Variants in BNC2 observed in about 807,000 individuals in gnomAD.
BNC2 encodes the protein basonuclin zinc finger protein 2.
A neutral mutation model predicts 76.3 loss-of-function variants in BNC2; 20 were observed. That is an observed-to-expected ratio of 0.26 (90% CI 0.18 to 0.38). The LOEUF is 0.38. BNC2 is among the 10% of genes least tolerant of loss of function. The pLI is 1.00. For synonymous variants in BNC2, 582 were observed against 514.8 expected (o/e 1.13, Z -1.77); for missense variants, 1,382 against 1,399.8 (o/e 0.99, Z 0.20).
At position 16,416,359 on chromosome 9, in the gene BNC2, T is replaced by A. The variant is rs1249754092; in HGVS notation, c.*2630A>T. On this transcript the variant is annotated 3_prime_UTR_variant, in exon 7 of 7. Transcript: ENST00000380672. ...ACCCTTTTTGAATCTAACCATTTGG[T>A]AATGGGGCAACAGCACAACACAGAG... 1 of 152,658 alleles carries A rather than the reference T, an allele frequency of 6.6e-6. No homozygotes were observed. The highest frequency in any genetic ancestry group is 1.5e-5 in the Non-Finnish European group (1 of 68,044). The allele number at this position is 152,658 out of a possible 1,614,324, so 9.5% of individuals were successfully genotyped here.
intron 3 of BNC2, among the ~76,000 whole-genome samples, chr9:16,714,630 A>C (rs1301934577): frequency 6.6e-6 from 1 of 152,226 alleles, no homozygotes; most frequent in Non-Finnish European, 1.5e-5. Flanking sequence ...TGTTTAAAAC[A>C]CAAATGGCTC....
chr9:16,726,466 G>C (rs1824321064), intron 3 of BNC2, among the ~76,000 whole-genome samples: 1 of 148,018 alleles, frequency 6.8e-6, no homozygotes, highest in African/African-American at 2.5e-5. Flanking sequence ...GTAGTTTATA[G>C]CCTGGCAAAT....
intron 6 of BNC2, among the ~76,000 whole-genome samples, chr9:16,434,593 A>T (rs1387479653): frequency 2.0e-5 from 3 of 152,192 alleles, no homozygotes; most frequent in African/African-American, 7.2e-5. Flanking sequence ...TCACAAGCTT[A>T]TCTGAACAAA....
intron 3 of BNC2, among the ~76,000 whole-genome samples, chr9:16,644,849 T>A (rs1563877826): frequency 6.6e-6 from 1 of 152,212 alleles, no homozygotes; most frequent in Non-Finnish European, 1.5e-5. Context: ...TCTTTTCTTT[T>A]GGCTAGTGCT....
intron 5 of BNC2, among the ~76,000 whole-genome samples, chr9:16,484,255 G>GA (rs759172506): frequency 1.3e-5 from 2 of 152,154 alleles, no homozygotes; most frequent in Non-Finnish European, 2.9e-5. Context: ...GGATGTGACA[G>GA]AATGTTTTTA....
chr9:16,649,615 AAG>A (rs1821736283), intron 3 of BNC2, among the ~76,000 whole-genome samples: 1 of 152,184 alleles, frequency 6.6e-6, no homozygotes, highest in Non-Finnish European at 1.5e-5. Context: ...CAAGCTTGAA[AAG>A]CCACTTCTAC....
At chr9:16,570,851 A>T (rs1182261436) in intron 4 of BNC2, among the ~76,000 whole-genome samples, 1 of 152,166 alleles carries the variant, frequency 6.6e-6, no homozygotes, top group Non-Finnish European at 1.5e-5. Flanking sequence ...TATTTAATGG[A>T]GCGCAAACTT....
chr9:16,805,403 C>A (rs141447950), intron 1 of BNC2, among the ~76,000 whole-genome samples: 6 of 151,958 alleles, frequency 3.9e-5, no homozygotes, highest in Non-Finnish European at 7.4e-5. Flanking sequence ...CTCAGCTCAC[C>A]GCAACCTCCG....
chr9:16,780,250 A>AAAAC lies in BNC2; in HGVS notation c.4-41766_4-41765insGTTT, dbSNP rs1554729482. Among the ~76,000 whole-genome samples, 75 of 124,452 alleles carry AAAAC rather than the reference A, an allele frequency of 6.0e-4. 2 individuals are homozygous for AAAAC. In the South Asian group the frequency reaches 7.3e-3, roughly 12 times the overall value. The allele number at this position is 124,452 out of a possible 152,430, so 81.6% of individuals were successfully genotyped here. ...GACTTCGTTTCAAAAAAAAAAAAAA[A>AAAAC]AAAAAACAAAAAAAAACTACTGAAA... is the stretch of plus-strand genomic sequence containing the variant. On this transcript the variant is annotated intron_variant, in intron 1 of 6. Transcript: ENST00000380672.
chr9:16,831,689 G>C (rs559306170), intron 1 of BNC2, among the ~76,000 whole-genome samples: 6 of 152,248 alleles, frequency 3.9e-5, no homozygotes, highest in African/African-American at 1.4e-4. Flanking sequence ...CATATGAACA[G>C]ATTTGGTGGT....
intron 5 of BNC2, among the ~76,000 whole-genome samples, chr9:16,518,928 A>G (rs1340054917): frequency 6.6e-6 from 1 of 152,212 alleles, no homozygotes; most frequent in African/African-American, 2.4e-5. Flanking sequence ...TAAAACCAGA[A>G]AACAAATGTC....
intron 2 of BNC2, among the ~76,000 whole-genome samples, chr9:16,732,117 A>C (rs569628915): frequency 7.6e-6 from 1 of 131,984 alleles, no homozygotes; most frequent in Non-Finnish European, 1.6e-5. Context: ...TCAGTACTTG[A>C]GTATTACGGT....
intron 3 of BNC2, among the ~76,000 whole-genome samples, chr9:16,724,002 G>A (rs372307757): frequency 1.3e-5 from 2 of 151,844 alleles, no homozygotes; most frequent in Admixed American, 6.6e-5. Context: ...TTACATCATC[G>A]GGTGAATCCT....
chr9:16,666,283 T>A (rs1228607743), intron 3 of BNC2, among the ~76,000 whole-genome samples: 1 of 152,214 alleles, frequency 6.6e-6, no homozygotes, highest in African/African-American at 2.4e-5. Flanking sequence ...CATCTTCAGT[T>A]CTCTGTTTTC....
intron 5 of BNC2, among the ~76,000 whole-genome samples, chr9:16,458,436 G>C (rs1368774877): frequency 2.0e-5 from 3 of 152,144 alleles, no homozygotes; most frequent in Non-Finnish European, 2.9e-5. Flanking sequence ...TCTTGGTTTT[G>C]ATTTTGTATT....
At chr9:16,459,835 A>C (rs1821536465) in intron 5 of BNC2, among the ~76,000 whole-genome samples, 1 of 152,196 alleles carries the variant, frequency 6.6e-6, no homozygotes, top group Non-Finnish European at 1.5e-5. Flanking sequence ...TTTGGCATAT[A>C]TTTTTCATGT....
intron 3 of BNC2, among the ~76,000 whole-genome samples, chr9:16,692,297 C>T (rs1823196809): frequency 6.6e-6 from 1 of 152,164 alleles, no homozygotes; most frequent in South Asian, 2.1e-4. Flanking sequence ...AACTTACTTT[C>T]TATCCTCAAC....
chr9:16,630,609 G>C (rs1821132568), intron 3 of BNC2, among the ~76,000 whole-genome samples: 1 of 151,880 alleles, frequency 6.6e-6, no homozygotes, highest in African/African-American at 2.4e-5. Flanking sequence ...ACTACACATA[G>C]GAAAAATAAG....
chr9:16,676,367 G>A (rs1015183820), intron 3 of BNC2, among the ~76,000 whole-genome samples: 3 of 152,230 alleles, frequency 2.0e-5, no homozygotes, highest in Admixed American at 6.5e-5. Flanking sequence ...ACACAAACGC[G>A]TAATTCTATT....
Sources: gnomAD v4.1 joint callset for allele counts (sites outside exome capture counted in the v4.1 genomes callset) on GRCh38, gnomAD v4.1.1 for gene constraint, MANE v1.5 for transcripts, NCBI Gene and HGNC (gene_info 2026-07-23, HGNC 2026-07-21) for gene names.